Variants in CELA2A observed in about 807,000 individuals in gnomAD.
The protein encoded by CELA2A is chymotrypsin like elastase 2A.
Under a neutral mutation model 35.3 loss-of-function variants are expected in CELA2A, and 31 were observed. The ratio of observed to expected loss-of-function variants is 0.88; its 90% CI spans 0.66 to 1.19. The LOEUF is 1.19. Ranked by LOEUF, CELA2A falls within the 50% of genes most tolerant of loss-of-function variation. The probability of loss-of-function intolerance (pLI) is 0.00; values close to 1 mark genes in which losing one functional copy is unlikely to be tolerated. For missense variants in CELA2A, 330 were observed against 352.9 expected (o/e 0.94, Z 0.52); for synonymous variants, 150 against 149.8 (o/e 1.00, Z -0.01).
At chr1:15,462,694 T>A in intron 3 of CELA2A, 39 bp from the exon 4 acceptor site, 2 of 1,612,152 alleles carry the variant, frequency 1.2e-6, no homozygotes, top group Non-Finnish European at 1.7e-6. Context: ...AAGCCAGGCC[T>A]CTGGAGGTGA....
At position 15,466,022 on chromosome 1, in the gene CELA2A, C is replaced by T; in HGVS notation, c.517C>T (p.Leu173=). ...LQTNGAVPDV[L]QQGRLLVVDY... ...AGCCAACGGGGCTGTTCCTGATGTC[C>T]TGCAGCAGGGCCGGTTGCTGGTTGT... The change falls in exon 6 of 8, where the codon CTG becomes TTG. Residue 173 remains leucine (L), a synonymous_variant. Transcript: ENST00000359621. 8 of 1,614,162 alleles carry T rather than the reference C, an allele frequency of 5.0e-6. No individual in the cohort carries two copies. Among genetic ancestry groups the T allele is most frequent in the Non-Finnish European group, 6.8e-6 (8 of 1,180,036 alleles).
At position 15,471,889 on chromosome 1, in the gene CELA2A, A is replaced by G. The variant is rs577704398; in HGVS notation, c.793-101A>G. 514 of 1,441,154 alleles carry G rather than the reference A, an allele frequency of 3.6e-4. 2 individuals are homozygous for G. The highest frequency in any genetic ancestry group is 2.4e-3 in the African/African-American group (170 of 71,352). The allele number at this position is 1,441,154 out of a possible 1,614,324, so 89.3% of individuals were successfully genotyped here. Reference sequence around the variant, plus strand: ...AGCTACTGTAGTGTGGGCTGCCTGTAACTCACATGAGTAGCTTAGCCCAGG... The same window carrying G: ...AGCTACTGTAGTGTGGGCTGCCTGTGACTCACATGAGTAGCTTAGCCCAGG... On this transcript the variant is annotated intron_variant, in intron 7 of 7. Transcript: ENST00000359621.
chr1:15,459,443 C>T (rs111773447), intron 2 of CELA2A, among the ~76,000 whole-genome samples: 193 of 152,098 alleles, frequency 1.3e-3, no homozygotes, highest in South Asian at 8.9e-3. Flanking sequence ...GGATCACAGG[C>T]GTGAGCCTCT....
chr1:15,467,254 G>A lies in CELA2A; in HGVS notation c.640-132G>A. On this transcript the variant is annotated intron_variant, in intron 6 of 7. Transcript: ENST00000359621. ...TGTTGGAATTATGGTACCACCTTGG[G>A]CTATGACCACAAGGGTCAGCTTCCG... 3.4e-6 allele frequency: 3 copies of A among 882,280 alleles called. No individual in the cohort carries two copies. The South Asian group carries it at 4.6e-5, about 13-fold the overall frequency. The allele number at this position is 882,280 out of a possible 1,614,324, so 54.7% of individuals were successfully genotyped here.
Position 15,463,531 on chromosome 1 carries a change from G to A in CELA2A, c.493+9G>A. On this transcript the variant is annotated intron_variant, in intron 5 of 7. Transcript: ENST00000359621. ...CTGGGGAAGGCTGCAGAGTAAGTGG[G>A]AGCCAGGAGCCCCCAGGCCTGGGAG... 1 of 1,613,106 alleles carries A rather than the reference G, an allele frequency of 6.2e-7. No homozygotes were observed. The highest frequency in any genetic ancestry group is 2.2e-5 in the East Asian group (1 of 44,866).
chr1:15,470,215 C>A (rs561817094), intron 7 of CELA2A, among the ~76,000 whole-genome samples: 3 of 152,296 alleles, frequency 2.0e-5, no homozygotes, highest in East Asian at 1.9e-4. Context: ...TGAAACCTTG[C>A]AGTAGCCCCA....
In CELA2A at chr1:15,466,191, G is replaced by A. The variant is rs772428725; in HGVS notation, c.639+47G>A. The A allele has an allele frequency of 1.9e-6, 3 of 1,605,562 alleles. No individual in the cohort carries two copies. The South Asian group carries it at 3.3e-5, about 18-fold the overall frequency. On this transcript the variant is annotated intron_variant, in intron 6 of 7. Coordinates refer to ENST00000359621, the MANE Select transcript of CELA2A (RefSeq NM_033440.3). ...TCCGCTCCATGACAAAATGTGGCTG[G>A]GGATAAGGCTATAGAGGTCCATCCC...
intron 2 of CELA2A, among the ~76,000 whole-genome samples, chr1:15,458,670 T>C (rs890283972): frequency 3.9e-5 from 6 of 152,038 alleles, no homozygotes; most frequent in African/African-American, 1.2e-4. Context: ...CCCAGCACTT[T>C]GGCAGGCCGA....
At position 15,467,385 on chromosome 1, in the gene CELA2A, G is replaced by A; in HGVS notation, c.640-1G>A. 6.2e-7 allele frequency: 1 copy of A among 1,612,992 alleles called. No homozygotes were observed. Among genetic ancestry groups the A allele is most frequent in the Non-Finnish European group, 8.5e-7 (1 of 1,180,016 alleles). On this transcript the variant is annotated splice_acceptor_variant, in intron 6 of 7. Coordinates refer to ENST00000359621, the MANE Select transcript of CELA2A (RefSeq NM_033440.3). LOFTEE classifies it high-confidence loss of function. The stretch of plus-strand genomic sequence containing the variant: ...CTGCCTATAACTCTGGCCTTCCTCA[G>A]GGAGACTCTGGCGGGCCACTGAACT...
In CELA2A at chr1:15,463,534, C is replaced by A. The variant is rs1199678455; in HGVS notation, c.493+12C>A. On this transcript the variant is annotated intron_variant, in intron 5 of 7. Transcript: ENST00000359621. ...GGGAAGGCTGCAGAGTAAGTGGGAG[C>A]CAGGAGCCCCCAGGCCTGGGAGGGA... The A allele has an allele frequency of 1.2e-6, 2 of 1,612,598 alleles. No homozygotes were observed. The highest frequency in any genetic ancestry group is 1.1e-5 in the South Asian group (1 of 90,916).
intron 5 of CELA2A, among the ~76,000 whole-genome samples, chr1:15,465,258 A>G (rs1050901490): frequency 1.1e-4 from 16 of 151,834 alleles, no homozygotes; most frequent in Non-Finnish European, 2.2e-4. Flanking sequence ...TGATCTGCCC[A>G]CCTTGGCCTC....
At position 15,463,389 on chromosome 1, in the gene CELA2A, C is replaced by A; in HGVS notation, c.360C>A (p.Asn120Lys). 1 of 1,613,696 alleles carries A rather than the reference C, an allele frequency of 6.2e-7. No individual in the cohort carries two copies. Among genetic ancestry groups the A allele is most frequent in the South Asian group, 1.1e-5 (1 of 91,066 alleles). ...CTTCGCCTCCACACTCACCCAGGAA[C>A]GACATTGCCCTGCTCAAACTGGCTA... ...DWNSNQISKG[N>K]DIALLKLANP... The change falls in exon 5 of 8, where the codon AAC becomes AAA. Residue 120 changes from asparagine to lysine, a missense_variant. Coordinates refer to ENST00000359621, the MANE Select transcript of CELA2A (RefSeq NM_033440.3).
intron 5 of CELA2A, among the ~76,000 whole-genome samples, chr1:15,464,319 A>T (rs1708481452): frequency 6.6e-6 from 1 of 152,094 alleles, no homozygotes; most frequent in Non-Finnish European, 1.5e-5. Flanking sequence ...CCCCTGTGCC[A>T]TTAGGTCTTG....
chr1:15,460,666 T>TA lies in CELA2A; in HGVS notation c.130-892dup, dbSNP rs1393863617. Among the ~76,000 whole-genome samples, 7 of 141,872 alleles carry TA rather than the reference T, an allele frequency of 4.9e-5. No homozygotes were observed. In the South Asian group the frequency reaches 1.6e-3, roughly 32 times the overall value. The allele number at this position is 141,872 out of a possible 152,430, so 93.1% of individuals were successfully genotyped here. Reference sequence around the variant, plus strand: ...CCTTAAAGTTCTTTTTTTTTTTTTTTAAAGACCTGGTCTCACTCTGTTAAT... The same window carrying TA: ...CCTTAAAGTTCTTTTTTTTTTTTTTTAAAAGACCTGGTCTCACTCTGTTAAT... On this transcript the variant is annotated intron_variant, in intron 2 of 7. Coordinates refer to ENST00000359621, the MANE Select transcript of CELA2A (RefSeq NM_033440.3).
At chr1:15,463,033 G>C in intron 4 of CELA2A, 172 bp downstream of exon 4, 1 of 1,087,052 alleles carries the variant, frequency 9.2e-7, no homozygotes, top group Non-Finnish European at 1.3e-6. Flanking sequence ...CTGGGGTGGG[G>C]ATGTGACCTG....
chr1:15,471,055 T>C (rs1458563104), intron 7 of CELA2A, among the ~76,000 whole-genome samples: 3 of 152,244 alleles, frequency 2.0e-5, no homozygotes. Flanking sequence ...AGTACATACA[T>C]GTCATTCTTT....
chr1:15,468,995 C>T (rs1240379293), intron 7 of CELA2A, among the ~76,000 whole-genome samples: 2 of 152,016 alleles, frequency 1.3e-5, no homozygotes, highest in Non-Finnish European at 1.5e-5. Context: ...CTGGTCAACA[C>T]GGGGAAACCC....
At chr1:15,468,988 G>A (rs1708557101) in intron 7 of CELA2A, among the ~76,000 whole-genome samples, 1 of 152,128 alleles carries the variant, frequency 6.6e-6, no homozygotes, top group Admixed American at 6.5e-5. Context: ...GACCAGCCTG[G>A]TCAACACGGG....
At chr1:15,467,688 G>T (rs1219563839) in intron 7 of CELA2A, 150 bp downstream of exon 7, 2 of 962,868 alleles carry the variant, frequency 2.1e-6, no homozygotes, top group East Asian at 2.6e-5. Flanking sequence ...CTGAGTAACT[G>T]CTGGGCCTGC....
Sources: gnomAD v4.1 joint callset for allele counts (sites outside exome capture counted in the v4.1 genomes callset) on GRCh38, gnomAD v4.1.1 for gene constraint, MANE v1.5 for transcripts, NCBI Gene and HGNC (gene_info 2026-07-23, HGNC 2026-07-21) for gene names.